The following CACNA1H variants were observed in gnomAD, a reference collection of about 807,000 sequenced individuals.
The protein encoded by CACNA1H is calcium voltage-gated channel subunit alpha1 H.
Under a neutral mutation model 192.5 loss-of-function variants are expected in CACNA1H, and 149 were observed. That is an observed-to-expected ratio of 0.77 (90% CI 0.68 to 0.89). The LOEUF is 0.89. CACNA1H is among the 40% of genes least tolerant of loss of function. The pLI is 0.00. For missense variants in CACNA1H, 4,257 were observed against 3,423.5 expected (o/e 1.24, Z -6.08); for synonymous variants, 2,202 against 1,475.2 (o/e 1.49, Z -11.29).
At chr16:1,207,235 G>A (rs769145813) in intron 13 of CACNA1H, 40 bp from the exon 14 acceptor site, 155 of 1,569,438 alleles carry the variant, frequency 9.9e-5, no homozygotes, top group Non-Finnish European at 1.3e-4. Flanking sequence ...CGGCATTTCG[G>A]GGCTGGGGTG....
intron 9 of CACNA1H, among the ~76,000 whole-genome samples, chr16:1,203,249 A>G (rs905616091): frequency 2.0e-5 from 3 of 152,200 alleles, no homozygotes; most frequent in Non-Finnish European, 2.9e-5. Context: ...CTCCAAAGAC[A>G]GCACGAAAAC....
At chr16:1,158,545 C>T (rs1008589704) in intron 2 of CACNA1H, among the ~76,000 whole-genome samples, 6 of 152,214 alleles carry the variant, frequency 3.9e-5, no homozygotes, top group Non-Finnish European at 7.4e-5. Flanking sequence ...ATCTTGTTCC[C>T]GCCAGGAAGT....
rs1278057515 is a variant in CACNA1H, at chr16:1,218,410, G to A, written c.5646G>A (p.Leu1882=). The A allele has an allele frequency of 1.9e-6, 3 of 1,555,932 alleles. No homozygotes were observed. The highest frequency in any genetic ancestry group is 2.6e-6 in the Non-Finnish European group (3 of 1,150,626). ...EDAELDAEIE[L]EMAQGPGSAR... is the part of the protein sequence containing the mutation. The stretch of plus-strand genomic sequence containing the variant: ...CGGAGCTGGACGCCGAGATCGAGCT[G>A]GAGATGGCGCAGGGCCCCGGGAGTG... Residue 1882 remains leucine (L), a synonymous_variant, in exon 33 of 35, where the codon CTG becomes CTA. Coordinates refer to ENST00000348261, the MANE Select transcript of CACNA1H (RefSeq NM_021098.3).
chr16:1,175,199 A>C (rs945950483), intron 2 of CACNA1H, among the ~76,000 whole-genome samples: 2 of 151,906 alleles, frequency 1.3e-5, no homozygotes, highest in African/African-American at 4.8e-5. Context: ...GTGAGGCCCT[A>C]CTGTGCGCAC....
chr16:1,184,511 C>T (rs939031200), intron 2 of CACNA1H, among the ~76,000 whole-genome samples: 12 of 152,258 alleles, frequency 7.9e-5, no homozygotes, highest in Non-Finnish European at 1.8e-4. Flanking sequence ...CACCCTCATC[C>T]TCTGTGAGCC....
chr16:1,219,216 A>ACG, intron 34 of CACNA1H, 86 bp downstream of exon 34: 2 of 1,330,124 alleles, frequency 1.5e-6, no homozygotes, highest in Non-Finnish European at 2.0e-6. Flanking sequence ...GGACCAGCAG[A>ACG]CGAGGACAAG....
chr16:1,185,130 G>A (rs1424331624), intron 2 of CACNA1H, among the ~76,000 whole-genome samples: 1 of 152,210 alleles, frequency 6.6e-6, no homozygotes, highest in Non-Finnish European at 1.5e-5. Flanking sequence ...TCTGTGCCCA[G>A]TTCTTCCCAG....
At position 1,201,731 on chromosome 16, in the gene CACNA1H, G is replaced by A. The variant is rs1320702126; in HGVS notation, c.1281G>A (p.Gln427=). 2 of 1,610,812 alleles carry A rather than the reference G, an allele frequency of 1.2e-6. No homozygotes were observed. Among genetic ancestry groups the A allele is most frequent in the Non-Finnish European group, 1.7e-6 (2 of 1,179,034 alleles). ...CCACGCAGTTCTCGGAGACGAAGCAGCGGGAGAGTCAGCTGATGCGGGAGC... is the reference window on the plus strand; with the variant it reads ...CCACGCAGTTCTCGGAGACGAAGCAACGGGAGAGTCAGCTGATGCGGGAGC... ...VIATQFSETK[Q]RESQLMREQR... is the part of the protein sequence containing the mutation. The change falls in exon 9 of 35, where the codon CAG becomes CAA. Residue 427 remains glutamine (Q), a synonymous_variant. Transcript: ENST00000348261.
At chr16:1,206,507 C>CAGA in intron 12 of CACNA1H, 1 of 568,824 alleles carries the variant, frequency 1.8e-6, no homozygotes, top group East Asian at 3.0e-5. Context: ...TGGCAGGGGT[C>CAGA]AGAGATGGGC....
intron 2 of CACNA1H, among the ~76,000 whole-genome samples, chr16:1,163,045 ACT>A (rs1277439052): frequency 1.3e-5 from 2 of 151,616 alleles, no homozygotes; most frequent in African/African-American, 2.4e-5. Context: ...GGCTCGTCTG[ACT>A]CTGTGTTTGC....
intron 26 of CACNA1H, among the ~76,000 whole-genome samples, chr16:1,212,995 C>T (rs1448351969): frequency 1.3e-5 from 2 of 152,248 alleles, no homozygotes; most frequent in African/African-American, 4.8e-5. Context: ...GTGGCCGAGG[C>T]AGGTCCTGGG....
At chr16:1,206,938 CACCTT>C in intron 12 of CACNA1H, 58 bp from the exon 13 acceptor site, 1 of 343,904 alleles carries the variant, frequency 2.9e-6, no homozygotes, top group Non-Finnish European at 5.4e-6. Context: ...CCCGCTCCCC[CACCTT>C]CTTCCGCTCA....
chr16:1,198,656 A>G lies in CACNA1H; in HGVS notation c.685A>G (p.Met229Val), dbSNP rs753015672. The G allele has an allele frequency of 1.2e-6, 2 of 1,613,442 alleles. No individual in the cohort carries two copies. Among genetic ancestry groups the G allele is most frequent in the Non-Finnish European group, 1.7e-6 (2 of 1,179,640 alleles). Residue 229 changes from methionine (M) to valine (V), a missense_variant, in exon 6 of 35, where the codon ATG (methionine) becomes GTG (valine). Transcript: ENST00000348261. Reference protein sequence around the residue: ...LVTLLLDTLPMLGNVLLLCFF... With the variant: ...LVTLLLDTLPVLGNVLLLCFF... ...CACTCTGCTGCTGGATACGCTGCCC[A>G]TGCTCGGGAACGTCCTTCTGCTGTG...
intron 2 of CACNA1H, among the ~76,000 whole-genome samples, chr16:1,178,560 G>C (rs1965148032): frequency 6.6e-6 from 1 of 152,166 alleles, no homozygotes; most frequent in Non-Finnish European, 1.5e-5. Flanking sequence ...GCCGCAGGAG[G>C]AGCCGGCCCT....
At chr16:1,153,678 G>T (rs1416883895) in intron 1 of CACNA1H, 42 bp from the exon 2 acceptor site, 3 of 1,138,444 alleles carry the variant, frequency 2.6e-6, no homozygotes, top group Non-Finnish European at 3.3e-6. Flanking sequence ...GGCAGGGCGG[G>T]GGCGTCGCCA....
intron 2 of CACNA1H, among the ~76,000 whole-genome samples, chr16:1,192,355 C>G (rs910965524): frequency 6.6e-6 from 1 of 152,266 alleles, no homozygotes; most frequent in African/African-American, 2.4e-5. Flanking sequence ...CTGCCAGCCC[C>G]TCTGCCGTGG....
chr16:1,210,375 G>T lies in CACNA1H; in HGVS notation c.3851G>T (p.Arg1284Leu). 1.4e-6 allele frequency: 1 copy of T among 721,048 alleles called. No individual in the cohort carries two copies. Among genetic ancestry groups the T allele is most frequent in the Non-Finnish European group, 2.0e-6 (1 of 501,052 alleles). 44.7% of individuals were successfully genotyped at this position (721,048 alleles called of 1,614,324 possible). A position where few individuals can be genotyped will look rare whatever the true frequency, so the allele number is the denominator to read the frequency against. The change falls in exon 19 of 35, where the codon CGC becomes CTC. Residue 1284 changes from arginine to leucine, a missense_variant. Coordinates refer to ENST00000348261, the MANE Select transcript of CACNA1H (RefSeq NM_021098.3). ...ACCCGCCCCCGCCCACCCAGGTTCC[G>T]CGTCTCCTGCCAGAAGGTCATCACA... ...LYLFSPQNRF[R>L]VSCQKVITHK... is the part of the protein sequence containing the mutation.
At chr16:1,210,268 C>T (rs533400069) in intron 18 of CACNA1H, 102 bp from the exon 19 acceptor site, 33 of 1,257,058 alleles carry the variant, frequency 2.6e-5, no homozygotes, top group East Asian at 1.8e-4. Flanking sequence ...CCGCAGGGAC[C>T]GGGGCTGAAG....
At chr16:1,178,568 C>G (rs926172105) in intron 2 of CACNA1H, among the ~76,000 whole-genome samples, 1 of 152,154 alleles carries the variant, frequency 6.6e-6, no homozygotes, top group African/African-American at 2.4e-5. Context: ...AGGAGCCGGC[C>G]CTGCCCACAG....
Sources: allele counts gnomAD v4.1 joint callset (sites outside exome capture counted in the v4.1 genomes callset), GRCh38; gene constraint gnomAD v4.1.1; transcripts MANE v1.5; gene names NCBI Gene and HGNC (gene_info 2026-07-23, HGNC 2026-07-21).